MOB4: variants seen among roughly 807,000 people sequenced by gnomAD.
The protein encoded by MOB4 is MOB family member 4, phocein.
In MOB4, 4 loss-of-function variants were observed where a neutral mutation model predicts 32.2. That is an observed-to-expected ratio of 0.12 (90% CI 0.06 to 0.28). The LOEUF is 0.28. MOB4 is among the 10% of genes least tolerant of loss of function. The pLI is 1.00. For synonymous variants in MOB4, 88 were observed against 88.1 expected (o/e 1.00, Z 0.01); for missense variants, 158 against 271.2 (o/e 0.58, Z 2.93).
intron 2 of MOB4, chr2:197,533,853 A>C: frequency 4.6e-6 from 3 of 646,786 alleles, no homozygotes. Flanking sequence ...ATTCCTGGCC[A>C]AGAAACAAAA....
In MOB4 at chr2:197,523,536, C is replaced by G. The variant is rs147955934; in HGVS notation, c.61-88C>G. ...CATTGCAAAAGTTTTTTCTTCCCCT[C>G]TAGTGTGAGCTTTGGGTCTTTATTA... On this transcript the variant is annotated intron_variant, in intron 1 of 7. Coordinates refer to ENST00000323303, the MANE Select transcript of MOB4 (RefSeq NM_015387.5). 1.2e-3 allele frequency: 1,618 copies of G among 1,348,814 alleles called. 11 individuals carry two copies. Among genetic ancestry groups the G allele is most frequent in the African/African-American group, 0.011 (747 of 67,060 alleles). 83.6% of individuals were successfully genotyped at this position (1,348,814 alleles called of 1,614,324 possible). A position where few individuals can be genotyped will look rare whatever the true frequency, so the allele number is the denominator to read the frequency against.
At chr2:197,537,362 G>A (rs868499191) in intron 3 of MOB4, among the ~76,000 whole-genome samples, 9 of 152,152 alleles carry the variant, frequency 5.9e-5, no homozygotes, top group African/African-American at 2.2e-4. Flanking sequence ...TGCAGTATGT[G>A]TTCATTGGGG....
chr2:197,533,606 T>A (rs534268668), intron 2 of MOB4, among the ~76,000 whole-genome samples: 31 of 150,228 alleles, frequency 2.1e-4, no homozygotes, highest in African/African-American at 7.1e-4. Context: ...GTGCTTGTAT[T>A]CCCAGCTACT....
In MOB4 at chr2:197,548,395, C is replaced by T. The variant is rs1387604548; in HGVS notation, c.414C>T (p.Ser138=). 1 of 1,582,900 alleles carries T rather than the reference C, an allele frequency of 6.3e-7. No homozygotes were observed. Among genetic ancestry groups the T allele is most frequent in the Admixed American group, 1.7e-5 (1 of 57,354 alleles). The change falls in exon 6 of 8, where the codon AGC becomes AGT. Residue 138 remains serine, a synonymous_variant. Coordinates refer to ENST00000323303, the MANE Select transcript of MOB4 (RefSeq NM_015387.5). ...ATGGTGCTGCATGTCTTCTGAATAGCAATAAATATTTTCCCAGCAGGTAAT... is the reference window on the plus strand; with the variant it reads ...ATGGTGCTGCATGTCTTCTGAATAGTAATAAATATTTTCCCAGCAGGTAAT... ...TLDGAACLLN[S]NKYFPSRVSI...
At chr2:197,540,853 T>C (rs2086883982) in intron 5 of MOB4, among the ~76,000 whole-genome samples, 1 of 152,130 alleles carries the variant, frequency 6.6e-6, no homozygotes, top group South Asian at 2.1e-4. Context: ...TTTTTCTCCT[T>C]ATTTAGTTTT....
chr2:197,532,823 G>A (rs1031291960), intron 2 of MOB4, among the ~76,000 whole-genome samples: 1 of 152,150 alleles, frequency 6.6e-6, no homozygotes, highest in Non-Finnish European at 1.5e-5. Context: ...TAGAAGACTG[G>A]GTGCGGTGGC....
chr2:197,520,485 T>C (rs1227532110), intron 1 of MOB4, among the ~76,000 whole-genome samples: 1 of 152,166 alleles, frequency 6.6e-6, no homozygotes, highest in African/African-American at 2.4e-5. Flanking sequence ...CTTTTTTTGC[T>C]CAAGGTTTTG....
At chr2:197,526,149 G>A (rs933902029) in intron 2 of MOB4, among the ~76,000 whole-genome samples, 4 of 152,096 alleles carry the variant, frequency 2.6e-5, no homozygotes, top group African/African-American at 9.7e-5. Flanking sequence ...TTTCACTGTT[G>A]AGTATGATGT....
intron 3 of MOB4, among the ~76,000 whole-genome samples, chr2:197,538,289 T>C (rs1353789114): frequency 6.6e-6 from 1 of 152,134 alleles, no homozygotes; most frequent in Non-Finnish European, 1.5e-5. Context: ...GTTATTTTTT[T>C]CTACTAGCCA....
intron 1 of MOB4, chr2:197,516,732 A>T (rs1231660647): frequency 6.4e-6 from 3 of 471,448 alleles, no homozygotes; most frequent in African/African-American, 6.0e-5. Context: ...GCAAGTTTTC[A>T]TCACTAAGTT....
chr2:197,542,587 T>G (rs1273769569), intron 5 of MOB4, among the ~76,000 whole-genome samples: 2 of 152,172 alleles, frequency 1.3e-5, no homozygotes, highest in Admixed American at 6.6e-5. Flanking sequence ...ATTCAGCATA[T>G]AGAGTAAATT....
At position 197,551,850 on chromosome 2, in the gene MOB4, A is replaced by G. The variant is rs1048952147; in HGVS notation, c.*1204A>G. ...ACAATCTTATAATCTATTGAATGCC[A>G]TTTTTGATAAAGCACTGGAGGTCTT... On this transcript the variant is annotated 3_prime_UTR_variant, in exon 8 of 8. Coordinates refer to ENST00000323303, the MANE Select transcript of MOB4 (RefSeq NM_015387.5). 1 of 152,324 alleles carries G rather than the reference A, an allele frequency of 6.6e-6. No individual in the cohort carries two copies. Among genetic ancestry groups the G allele is most frequent in the African/African-American group, 2.4e-5 (1 of 41,448 alleles). 9.4% of individuals were successfully genotyped at this position (152,324 alleles called of 1,614,324 possible). A position where few individuals can be genotyped will look rare whatever the true frequency, so the allele number is the denominator to read the frequency against.
At chr2:197,535,713 A>G in intron 3 of MOB4, 83 bp downstream of exon 3, 2 of 1,479,502 alleles carry the variant, frequency 1.4e-6, no homozygotes, top group Non-Finnish European at 1.8e-6. Flanking sequence ...TGTAAAATTT[A>G]CTATGTAACT....
At chr2:197,516,009 G>C (rs1037312774), upstream of MOB4, 5 of 1,442,632 alleles carry the variant, frequency 3.5e-6, no homozygotes, top group African/African-American at 4.4e-5. Flanking sequence ...GACGCAGAGC[G>C]CCGCTCTGCC....
intron 1 of MOB4, among the ~76,000 whole-genome samples, 163 bp from the exon 2 acceptor site, chr2:197,523,461 T>TA (rs2086557406): frequency 6.6e-6 from 1 of 152,208 alleles, no homozygotes; most frequent in African/African-American, 2.4e-5. Context: ...ACCCTGTCTG[T>TA]AAAAAAGAAA....
chr2:197,531,299 C>G (rs1482838889), intron 2 of MOB4, among the ~76,000 whole-genome samples: 1 of 151,974 alleles, frequency 6.6e-6, no homozygotes. Flanking sequence ...CCACCTCGGC[C>G]TCCCAAAGTG....
chr2:197,549,862 A>T (rs2087065398), intron 6 of MOB4, among the ~76,000 whole-genome samples: 1 of 148,364 alleles, frequency 6.7e-6, no homozygotes, highest in Non-Finnish European at 1.5e-5. Flanking sequence ...TAATTTCTAA[A>T]AAAAAAAAAA....
At chr2:197,528,610 CTTTTTCTTTTTT>C (rs1327437103) in intron 2 of MOB4, among the ~76,000 whole-genome samples, 3 of 145,186 alleles carry the variant, frequency 2.1e-5, no homozygotes, top group African/African-American at 7.4e-5. Flanking sequence ...TTTTCTTTTT[CTTTTTCTTTTTT>C]TTTTTTTTTT....
At position 197,551,867 on chromosome 2, in the gene MOB4, G is replaced by A. The variant is rs747568736; in HGVS notation, c.*1221G>A. ...TGAATGCCATTTTTGATAAAGCACT[G>A]GAGGTCTTATTGCCAAACTGATTGT... On this transcript the variant is annotated 3_prime_UTR_variant, in exon 8 of 8. Transcript: ENST00000323303. 3.3e-5 allele frequency: 5 copies of A among 152,292 alleles called. No homozygotes were observed. Among genetic ancestry groups the A allele is most frequent in the Non-Finnish European group, 5.9e-5 (4 of 68,030 alleles). 9.4% of individuals were successfully genotyped at this position (152,292 alleles called of 1,614,324 possible).
Sources: gnomAD v4.1 joint callset for allele counts (sites outside exome capture counted in the v4.1 genomes callset) on GRCh38, gnomAD v4.1.1 for gene constraint, MANE v1.5 for transcripts, NCBI Gene and HGNC (gene_info 2026-07-23, HGNC 2026-07-21) for gene names.